The following STOX1 variants were observed in gnomAD, a reference collection of about 807,000 sequenced individuals.
STOX1 encodes the protein storkhead-box protein 1.
Under a neutral mutation model 74.8 loss-of-function variants are expected in STOX1, and 57 were observed. That is an observed-to-expected ratio of 0.76 (90% CI 0.62 to 0.95). The LOEUF (loss-of-function observed/expected upper bound fraction) is 0.95, where lower values mean the gene tolerates loss of function less well. STOX1 is among the 40% of genes least tolerant of loss of function. The probability of loss-of-function intolerance (pLI) is 0.00; values close to 1 mark genes in which losing one functional copy is unlikely to be tolerated. For synonymous variants in STOX1, 375 were observed against 401.3 expected, an observed-to-expected ratio of 0.93 and a Z score of 0.78; for missense variants, 1,010 against 1,117.0, an observed-to-expected ratio of 0.90 and a Z score of 1.37.
chr10:68,893,457 G>A (rs1841139976), downstream of STOX1, among the ~76,000 whole-genome samples: 2 of 152,138 alleles, frequency 1.3e-5, no homozygotes, highest in South Asian at 4.1e-4. Flanking sequence ...TTGCTCTGTT[G>A]CCCAGGCTGG....
Position 68,892,967 on chromosome 10 carries a change from T to C in STOX1, c.*231T>C. The C allele has an allele frequency of 2.4e-6, 1 of 423,012 alleles. No individual in the cohort carries two copies. The allele number at this position is 423,012 out of a possible 1,614,324, so 26.2% of individuals were successfully genotyped here. A position where few individuals can be genotyped will look rare whatever the true frequency, so the allele number is the denominator to read the frequency against. On this transcript the variant is annotated 3_prime_UTR_variant, in exon 4 of 4. Transcript: ENST00000298596. ...GTTTATTGGGAGTATATAGATTATTTTCGATTAAAAAGTGGAATTATTGGT... is the reference window on the plus strand; with the variant it reads ...GTTTATTGGGAGTATATAGATTATTCTCGATTAAAAAGTGGAATTATTGGT...
rs190463215 is a variant in STOX1 at position 68,848,890 on chromosome 10, A to G, written c.310+20957A>G. Among the ~76,000 whole-genome samples the G allele has an allele frequency of 9.7e-4, 147 of 152,242 alleles. 1 individual carries two copies. The highest frequency in any genetic ancestry group is 3.2e-3 in the African/African-American group (133 of 41,548). ...TTGCTGTGTTTCCCAGGCTGGTCTC[A>G]AACTCCTGGGCTCAAGCAATCCTGT... On this transcript the variant is annotated intron_variant, in intron 1 of 3. Coordinates refer to ENST00000298596, the MANE Select transcript of STOX1 (RefSeq NM_152709.5).
At chr10:68,892,554 G>A (rs1211315959) in intron 3 of STOX1, 35 bp from the exon 4 acceptor site, 15 of 1,606,252 alleles carry the variant, frequency 9.3e-6, no homozygotes, top group East Asian at 2.2e-5. Flanking sequence ...AGTTCCCTTC[G>A]AAGCCAATAA....
rs373020884 is a variant in STOX1 at position 68,886,421 on chromosome 10, T to C, written c.2625T>C (p.Gly875=). ...FEAEVIQDTI[G]DTGKKPASWS... is the part of the protein sequence containing the mutation. ...CTGAAGTCATACAAGACACTATTGG[T>C]GACACAGGAAAGAAGCCAGCTAGCT... The change falls in exon 3 of 4, where the codon GGT becomes GGC. Residue 875 remains glycine (G), a synonymous_variant. Coordinates refer to ENST00000298596, the MANE Select transcript of STOX1 (RefSeq NM_152709.5). The C allele has an allele frequency of 8.7e-6, 14 of 1,614,142 alleles. No individual in the cohort carries two copies. The highest frequency in any genetic ancestry group is 1.2e-5 in the Non-Finnish European group (14 of 1,180,024).
intron 1 of STOX1, among the ~76,000 whole-genome samples, chr10:68,851,702 G>A (rs1159057268): frequency 3.3e-5 from 5 of 152,070 alleles, no homozygotes; most frequent in Non-Finnish European, 7.4e-5. Context: ...TTAGCTGGGT[G>A]TGGTGGTGTG....
chr10:68,894,906 T>C (rs983471546), downstream of STOX1, among the ~76,000 whole-genome samples: 5 of 152,140 alleles, frequency 3.3e-5, no homozygotes, highest in African/African-American at 1.2e-4. Context: ...TTATTTTTTG[T>C]AGAGACAGGA....
At chr10:68,880,924 C>T (rs755554294) in intron 1 of STOX1, among the ~76,000 whole-genome samples, 1 of 152,156 alleles carries the variant, frequency 6.6e-6, no homozygotes, top group South Asian at 2.1e-4. Context: ...AAACTCCTGA[C>T]CTCGGGTGAT....
chr10:68,893,873 G>A (rs898698360), downstream of STOX1, among the ~76,000 whole-genome samples: 11 of 152,134 alleles, frequency 7.2e-5, no homozygotes, highest in Non-Finnish European at 2.9e-5. Flanking sequence ...TAGACATTTA[G>A]CAATTCATCT....
intron 1 of STOX1, among the ~76,000 whole-genome samples, chr10:68,832,783 A>T (rs1374643907): frequency 6.6e-6 from 1 of 151,366 alleles, no homozygotes; most frequent in African/African-American, 2.4e-5. Flanking sequence ...TTTTGTTTTG[A>T]GACAGAGTCT....
At chr10:68,848,166 G>A (rs1419485698) in intron 1 of STOX1, among the ~76,000 whole-genome samples, 4 of 121,786 alleles carry the variant, frequency 3.3e-5, no homozygotes, top group African/African-American at 1.1e-4. Flanking sequence ...GATAGTGAGG[G>A]ACACTAGGTC....
intron 1 of STOX1, among the ~76,000 whole-genome samples, chr10:68,848,028 G>A (rs992637066): frequency 6.6e-6 from 1 of 152,186 alleles, no homozygotes; most frequent in South Asian, 2.1e-4. Flanking sequence ...ACTGTGCCTG[G>A]CCAATAGAAG....
chr10:68,891,968 G>A (rs1841110276), intron 3 of STOX1, among the ~76,000 whole-genome samples: 1 of 151,848 alleles, frequency 6.6e-6, no homozygotes. Context: ...TTACAGGTGT[G>A]CACCAGCATG....
At chr10:68,842,926 C>T (rs1235303801) in intron 1 of STOX1, among the ~76,000 whole-genome samples, 7 of 152,084 alleles carry the variant, frequency 4.6e-5, no homozygotes, top group African/African-American at 9.7e-5. Flanking sequence ...TTTGACTCCC[C>T]GAGTCTAAAG....
chr10:68,878,068 T>C (rs1840722727), intron 1 of STOX1, among the ~76,000 whole-genome samples: 1 of 152,112 alleles, frequency 6.6e-6, no homozygotes, highest in Admixed American at 6.6e-5. Context: ...AGGCCTTCAT[T>C]ATGGAGTATT....
intron 1 of STOX1, among the ~76,000 whole-genome samples, chr10:68,862,216 G>A (rs1181835249): frequency 1.3e-5 from 2 of 152,026 alleles, no homozygotes; most frequent in African/African-American, 4.8e-5. Context: ...GAAACACCGA[G>A]AGTGTCTCAG....
chr10:68,872,643 G>A (rs943792913), intron 1 of STOX1, among the ~76,000 whole-genome samples: 11 of 152,140 alleles, frequency 7.2e-5, no homozygotes, highest in African/African-American at 2.7e-4. Flanking sequence ...CACTGCACCA[G>A]GTCTAGGATT....
In STOX1 at chr10:68,834,022, C is replaced by G. The variant is rs551241194; in HGVS notation, c.310+6089C>G. ...CAATCTTCTCCATCCCACAGTGACT[C>G]TGGGTACTGCAGTTTCTGCCTTTAA... On this transcript the variant is annotated intron_variant, in intron 1 of 3. Coordinates refer to ENST00000298596, the MANE Select transcript of STOX1 (RefSeq NM_152709.5). 3.3e-5 allele frequency among the ~76,000 whole-genome samples: 5 copies of G among 152,286 alleles called. No homozygotes were observed. In the South Asian group the frequency reaches 1.0e-3, roughly 32 times the overall value.
rs752653196 is a variant in STOX1 at position 68,885,902 on chromosome 10, T to A, written c.2106T>A (p.Asp702Glu). The change falls in exon 3 of 4, where the codon GAT becomes GAA. Residue 702 changes from aspartate to glutamate, a missense_variant. Physicochemically the swap from Asp to Glu is conservative, Grantham distance 45. Transcript: ENST00000298596. ...EELLRKGFVQ[D>E]AETTSLENEQ... ...TATTGAGAAAAGGATTTGTCCAGGA[T>A]GCAGAGACTACAAGCCTAGAAAATG... 9.3e-5 allele frequency: 150 copies of A among 1,614,048 alleles called. No homozygotes were observed. The highest frequency in any genetic ancestry group is 1.2e-4 in the Non-Finnish European group (145 of 1,180,038).
In STOX1 at chr10:68,885,513, C is replaced by A. The variant is rs1028013280; in HGVS notation, c.1717C>A (p.Pro573Thr). 1 of 1,614,080 alleles carries A rather than the reference C, an allele frequency of 6.2e-7. No individual in the cohort carries two copies. Among genetic ancestry groups the A allele is most frequent in the Non-Finnish European group, 8.5e-7 (1 of 1,180,044 alleles). Residue 573 changes from proline to threonine, a missense_variant, in exon 3 of 4, where the codon CCC becomes ACC. By Grantham distance (38) the Pro-to-Thr change is conservative (BLOSUM62 -1). Transcript: ENST00000298596. ...TTACATAAATGACCCTACTGTCAAA[C>A]CCATCAATGATGACTTCAGAGGTCA... ...SIYINDPTVKPINDDFRGHLF... is the reference protein window; with the variant it reads ...SIYINDPTVKTINDDFRGHLF...
Sources: gnomAD v4.1 joint callset for allele counts (sites outside exome capture counted in the v4.1 genomes callset) on GRCh38, gnomAD v4.1.1 for gene constraint, MANE v1.5 for transcripts, NCBI Gene and HGNC (gene_info 2026-07-23, HGNC 2026-07-21) for gene names.